The following SMYD3 variants were observed in gnomAD, a reference collection of about 807,000 sequenced individuals.
SMYD3 encodes the protein SET and MYND domain containing 3.
SMYD3 carries 36 observed loss-of-function variants against 57.7 expected under a neutral mutation model. The ratio of observed to expected loss-of-function variants is 0.62; its 90% confidence interval spans 0.48 to 0.82. The LOEUF is 0.82. Ranked by LOEUF, SMYD3 falls within the 40% of genes least tolerant of loss-of-function variation. The pLI is 0.00. For synonymous variants in SMYD3, 211 were observed against 195.0 expected (o/e 1.08, Z -0.68); for missense variants, 515 against 538.8 (o/e 0.96, Z 0.44).
chr1:246,409,714 A>T (rs1558450580), intron 1 of SMYD3, among the ~76,000 whole-genome samples: 3 of 152,186 alleles, frequency 2.0e-5, no homozygotes, highest in Admixed American at 6.5e-5. Context: ...TCTGTGAAGA[A>T]AGTCATTGGT....
Position 246,482,800 on chromosome 1 carries a change from C to T in SMYD3, c.164+24254G>A, listed in dbSNP as rs150883301. 6.4e-3 allele frequency among the ~76,000 whole-genome samples: 976 copies of T among 152,236 alleles called. 3 individuals are homozygous for T. The highest frequency in any genetic ancestry group is 0.011 in the Non-Finnish European group (742 of 68,026). On this transcript the variant is annotated intron_variant, in intron 1 of 11. Coordinates refer to ENST00000490107, the MANE Select transcript of SMYD3 (RefSeq NM_001167740.2). ...AGTTTCAGATACAGGGAAATCAAGG[C>T]CATATACTTCTCAGTAGGGGAAACG...
chr1:246,233,983 T>C (rs1210514084), intron 5 of SMYD3, among the ~76,000 whole-genome samples: 1 of 127,754 alleles, frequency 7.8e-6, no homozygotes, highest in Admixed American at 8.1e-5. Flanking sequence ...CTCCTTCAAT[T>C]CACACTGTGA....
intron 5 of SMYD3, chr1:246,187,094 T>C (rs1056679669): frequency 4.1e-6 from 1 of 241,202 alleles, no homozygotes; most frequent in Non-Finnish European, 6.7e-6. Flanking sequence ...TCAAAAGATC[T>C]GCGTTTAAGA....
rs151250561 is a variant in SMYD3, at chr1:245,963,431, T to C, written c.532-33494A>G. 4.2e-3 allele frequency among the ~76,000 whole-genome samples: 637 copies of C among 152,162 alleles called. 5 individuals are homozygous for C. The highest frequency in any genetic ancestry group is 0.014 in the African/African-American group (589 of 41,524). The stretch of plus-strand genomic sequence containing the variant: ...AATCAGTACCCGGTAGAAACCTCAA[T>C]TGTACTCGACATACTGCTGGGGGTC... On this transcript the variant is annotated intron_variant, in intron 5 of 11. Transcript: ENST00000490107.
At chr1:245,875,485 C>T (rs1227260771) in intron 8 of SMYD3, among the ~76,000 whole-genome samples, 3 of 152,232 alleles carry the variant, frequency 2.0e-5, no homozygotes, top group Non-Finnish European at 2.9e-5. Context: ...TGCACATCTT[C>T]CATTAGAACC....
At chr1:246,384,426 C>A (rs2066436991) in intron 1 of SMYD3, among the ~76,000 whole-genome samples, 1 of 151,648 alleles carries the variant, frequency 6.6e-6, no homozygotes, top group Admixed American at 6.6e-5. Flanking sequence ...GACAGAGTCT[C>A]ACTCTGTCGC....
At chr1:246,300,603 C>T (rs777543894) in intron 5 of SMYD3, among the ~76,000 whole-genome samples, 1 of 152,096 alleles carries the variant, frequency 6.6e-6, no homozygotes, top group Non-Finnish European at 1.5e-5. Context: ...AAAACATGAA[C>T]TCTAAAATTA....
At chr1:246,211,598 G>C (rs890729855) in intron 5 of SMYD3, among the ~76,000 whole-genome samples, 1 of 152,074 alleles carries the variant, frequency 6.6e-6, no homozygotes, top group Non-Finnish European at 1.5e-5. Flanking sequence ...TTAGGAAAAA[G>C]GCAGAGAAAG....
At chr1:246,016,256 G>T (rs899623065) in intron 5 of SMYD3, among the ~76,000 whole-genome samples, 2 of 149,952 alleles carry the variant, frequency 1.3e-5, no homozygotes, top group African/African-American at 4.9e-5. Context: ...AAAAAAAATA[G>T]AATAGTAAAA....
intron 10 of SMYD3, among the ~76,000 whole-genome samples, chr1:245,849,756 G>A (rs1189381258): frequency 3.9e-5 from 6 of 152,128 alleles, no homozygotes; most frequent in Non-Finnish European, 7.4e-5. Flanking sequence ...AGACTCAAGC[G>A]ATCCTCTCAC....
chr1:246,058,213 G>A (rs1314294540), intron 5 of SMYD3, among the ~76,000 whole-genome samples: 1 of 152,172 alleles, frequency 6.6e-6, no homozygotes, highest in Non-Finnish European at 1.5e-5. Context: ...AACGCTAACA[G>A]AAGCTGAACT....
intron 1 of SMYD3, among the ~76,000 whole-genome samples, chr1:246,439,097 G>A (rs1223936346): frequency 1.9e-5 from 1 of 53,514 alleles, no homozygotes; most frequent in African/African-American, 6.1e-5. Flanking sequence ...TTGCCACATT[G>A]TTATTTTCGG....
chr1:245,838,747 T>C (rs1174059551), intron 10 of SMYD3, among the ~76,000 whole-genome samples: 3 of 152,192 alleles, frequency 2.0e-5, no homozygotes, highest in African/African-American at 7.2e-5. Flanking sequence ...GAGGTACGTA[T>C]ATAAATGTAC....
intron 1 of SMYD3, among the ~76,000 whole-genome samples, chr1:246,491,933 T>C (rs1351275043): frequency 6.6e-6 from 1 of 152,196 alleles, no homozygotes; most frequent in Non-Finnish European, 1.5e-5. Context: ...CGCAACTCTG[T>C]TCAACTACCG....
intron 5 of SMYD3, among the ~76,000 whole-genome samples, chr1:246,248,782 C>T (rs1216592483): frequency 1.3e-5 from 2 of 149,686 alleles, no homozygotes; most frequent in Non-Finnish European, 3.0e-5. Context: ...GCTGGGACCA[C>T]AGGCGCCCGC....
intron 10 of SMYD3, chr1:245,814,410 C>T (rs1225551796): frequency 1.0e-6 from 1 of 983,436 alleles, no homozygotes; most frequent in East Asian, 1.1e-4. Context: ...TCCTGGTCTT[C>T]TTCAACTGGG....
At chr1:246,030,502 G>A (rs1170728646) in intron 5 of SMYD3, among the ~76,000 whole-genome samples, 2 of 152,116 alleles carry the variant, frequency 1.3e-5, no homozygotes, top group East Asian at 1.9e-4. Flanking sequence ...CTGCAGCATT[G>A]TACGCTGAAT....
At chr1:246,178,294 A>G (rs944877873) in intron 5 of SMYD3, among the ~76,000 whole-genome samples, 11 of 152,218 alleles carry the variant, frequency 7.2e-5, no homozygotes, top group African/African-American at 2.4e-4. Context: ...ATGATTCAAG[A>G]GGAAGGTAAA....
chr1:246,454,763 T>C (rs1266221126), intron 1 of SMYD3, among the ~76,000 whole-genome samples: 1 of 152,164 alleles, frequency 6.6e-6, no homozygotes, highest in African/African-American at 2.4e-5. Context: ...AGGAAACACA[T>C]AAAAATACTC....
Sources: allele counts gnomAD v4.1 joint callset (sites outside exome capture counted in the v4.1 genomes callset), GRCh38; gene constraint gnomAD v4.1.1; transcripts MANE v1.5; gene names NCBI Gene and HGNC (gene_info 2026-07-23, HGNC 2026-07-21).